Variants in TIGAR observed in about 807,000 individuals in gnomAD.
TIGAR encodes the protein TP53 induced glycolysis regulatory phosphatase, also known as fructose-2,6-bisphosphatase TIGAR.
A neutral mutation model predicts 17.9 loss-of-function variants in TIGAR; 7 were observed. The observed-to-expected ratio is 0.39, with a 90% CI of 0.22 to 0.73. The LOEUF is 0.73. Ranked by LOEUF, TIGAR falls within the 30% of genes least tolerant of loss-of-function variation. The probability of loss-of-function intolerance (pLI) is 0.42; values close to 1 mark genes in which losing one functional copy is unlikely to be tolerated. For synonymous variants in TIGAR, 94 were observed against 108.6 expected, an observed-to-expected ratio of 0.87 and a Z score of 0.84; for missense variants, 258 against 327.4, an observed-to-expected ratio of 0.79 and a Z score of 1.64.
rs1864893618 is a variant in TIGAR at position 4,355,768 on chromosome 12, G to T, written c.*3077G>T. Among the ~76,000 whole-genome samples the T allele has an allele frequency of 6.6e-6, 1 of 152,202 alleles. No individual in the cohort carries two copies. Among genetic ancestry groups the T allele is most frequent in the East Asian group, 1.9e-4 (1 of 5,202 alleles). On this transcript the variant is annotated 3_prime_UTR_variant, in exon 6 of 6. Coordinates refer to ENST00000179259, the MANE Select transcript of TIGAR (RefSeq NM_020375.3). ...GTGGTCAGTGCTGTTGAGCAAAATA[G>T]GTCAGAGTAAGGGGGATGGAGACTG...
intron 3 of TIGAR, among the ~76,000 whole-genome samples, chr12:4,339,030 C>T (rs1350655422): frequency 7.3e-6 from 1 of 136,170 alleles, no homozygotes; most frequent in Admixed American, 7.4e-5. Flanking sequence ...AAGAGTAAAC[C>T]AAATCCAAAA....
chr12:4,341,914 A>G (rs1473989901), intron 3 of TIGAR, among the ~76,000 whole-genome samples: 2 of 152,236 alleles, frequency 1.3e-5, no homozygotes, highest in African/African-American at 2.4e-5. Context: ...GAGAGAAGAA[A>G]GCTTCAGATG....
chr12:4,335,337 AT>A (rs767180815), intron 2 of TIGAR, among the ~76,000 whole-genome samples: 1,445 of 144,084 alleles, frequency 0.01, 15 homozygotes, highest in African/African-American at 0.03. Context: ...ATGCCCGGCC[AT>A]TTTTTTTTTT....
Position 4,357,085 on chromosome 12 carries a change from A to G in TIGAR, c.*4394A>G, listed in dbSNP as rs987244753. Among the ~76,000 whole-genome samples the G allele has an allele frequency of 8.5e-5, 13 of 152,236 alleles. No homozygotes were observed. The highest frequency in any genetic ancestry group is 3.1e-4 in the African/African-American group (13 of 41,454). ...GCAAGGACATGCTCATATTAGGGGA[A>G]GCACATAAAGTAAGATATCCCTGAG... On this transcript the variant is annotated 3_prime_UTR_variant, in exon 6 of 6. Coordinates refer to ENST00000179259, the MANE Select transcript of TIGAR (RefSeq NM_020375.3).
At position 4,352,750 on chromosome 12, in the gene TIGAR, T is replaced by G. The variant is rs1864851366; in HGVS notation, c.*59T>G. 1.3e-6 allele frequency: 2 copies of G among 1,495,714 alleles called. No homozygotes were observed. The highest frequency in any genetic ancestry group is 2.8e-5 in the African/African-American group (2 of 71,660). 92.7% of individuals were successfully genotyped at this position (1,495,714 alleles called of 1,614,324 possible). On this transcript the variant is annotated 3_prime_UTR_variant, in exon 6 of 6. Coordinates refer to ENST00000179259, the MANE Select transcript of TIGAR (RefSeq NM_020375.3). ...GCCTCTGAAGGGAGTGCCATTGGCT[T>G]TATTTACTTCTCTCCTCTGCTAGTT...
intron 3 of TIGAR, among the ~76,000 whole-genome samples, chr12:4,343,992 TAAAG>T (rs1461337138): frequency 1.3e-5 from 2 of 150,492 alleles, no homozygotes; most frequent in Non-Finnish European, 3.0e-5. Context: ...GCAAGACCAA[TAAAG>T]AAAAGAGAGA....
intron 3 of TIGAR, among the ~76,000 whole-genome samples, chr12:4,345,713 A>T (rs372395115): frequency 1.3e-5 from 2 of 152,172 alleles, no homozygotes; most frequent in Non-Finnish European, 2.9e-5. Flanking sequence ...GGACTTCATG[A>T]CTAAAACACC....
chr12:4,356,825 C>T lies in TIGAR; in HGVS notation c.*4134C>T, dbSNP rs566216301. Reference sequence around the variant, plus strand: ...ATGGGCAGAAGTTTCCAGTTCCAGGCTTCACCCCAGGCTCGCAGCTTCAAG... The same window carrying T: ...ATGGGCAGAAGTTTCCAGTTCCAGGTTTCACCCCAGGCTCGCAGCTTCAAG... On this transcript the variant is annotated 3_prime_UTR_variant, in exon 6 of 6. Transcript: ENST00000179259. Among the ~76,000 whole-genome samples the T allele has an allele frequency of 7.6e-4, 116 of 152,304 alleles. No homozygotes were observed. Among genetic ancestry groups the T allele is most frequent in the African/African-American group, 2.6e-3 (107 of 41,564 alleles).
chr12:4,335,734 G>A (rs1357748648), intron 2 of TIGAR: 1 of 152,244 alleles, frequency 6.6e-6, no homozygotes, highest in Non-Finnish European at 1.5e-5. Context: ...ATCGTTAGGA[G>A]TTCTCATTCT....
intron 2 of TIGAR, among the ~76,000 whole-genome samples, chr12:4,335,329 G>A (rs1449536417): frequency 2.0e-5 from 3 of 151,762 alleles, no homozygotes; most frequent in Non-Finnish European, 4.4e-5. Context: ...GAGCCACCAT[G>A]CCCGGCCATT....
At chr12:4,339,912 A>T (rs1365249640) in intron 3 of TIGAR, among the ~76,000 whole-genome samples, 3 of 152,340 alleles carry the variant, frequency 2.0e-5, no homozygotes, top group African/African-American at 7.2e-5. Flanking sequence ...AGTACAGTAA[A>T]AGCCTCAACA....
chr12:4,324,668 C>T (rs1223556132), intron 1 of TIGAR: 4 of 1,163,522 alleles, frequency 3.4e-6, no homozygotes, highest in African/African-American at 1.5e-5. Context: ...CGCCGCAGGC[C>T]CGGGTTCACT....
rs1591668269 is a variant in TIGAR at position 4,357,020 on chromosome 12, C to T, written c.*4329C>T. Among the ~76,000 whole-genome samples the T allele has an allele frequency of 6.6e-6, 1 of 152,258 alleles. No individual in the cohort carries two copies. The highest frequency in any genetic ancestry group is 1.9e-4 in the East Asian group (1 of 5,190). On this transcript the variant is annotated 3_prime_UTR_variant, in exon 6 of 6. Transcript: ENST00000179259. ...TTAACTAAAAACCTGTTTTAGTTAG[C>T]ATCTTTATTCTAATTTCTTTAAATG...
At position 4,355,280 on chromosome 12, in the gene TIGAR, G is replaced by GT. The variant is rs2120702142; in HGVS notation, c.*2590dup. Among the ~76,000 whole-genome samples, 1 of 152,002 alleles carries GT rather than the reference G, an allele frequency of 6.6e-6. No homozygotes were observed. The highest frequency in any genetic ancestry group is 2.4e-5 in the African/African-American group (1 of 41,478). On this transcript the variant is annotated 3_prime_UTR_variant, in exon 6 of 6. Coordinates refer to ENST00000179259, the MANE Select transcript of TIGAR (RefSeq NM_020375.3). The stretch of plus-strand genomic sequence containing the variant: ...TTGAAACAGTTATCCCAACACCATT[G>GT]TAAAGGCTGTTCTTTCCCAATTGGT...
intron 1 of TIGAR, chr12:4,324,563 T>A (rs758839943): frequency 3.5e-5 from 57 of 1,606,248 alleles, no homozygotes; most frequent in Middle Eastern, 1.8e-4. Flanking sequence ...AGGATGATCA[T>A]GTCCCGCAGG....
chr12:4,330,101 G>A (rs1864588306), intron 1 of TIGAR, among the ~76,000 whole-genome samples: 2 of 152,110 alleles, frequency 1.3e-5, no homozygotes, highest in Non-Finnish European at 2.9e-5. Context: ...TTGTAAACAA[G>A]CGGCAAGATT....
At chr12:4,348,160 TAAATA>T (rs1209152708) in intron 3 of TIGAR, among the ~76,000 whole-genome samples, 1 of 151,458 alleles carries the variant, frequency 6.6e-6, no homozygotes, top group African/African-American at 2.4e-5. Flanking sequence ...CTTTAAAAAA[TAAATA>T]AAATAGGAGA....
intron 1 of TIGAR, among the ~76,000 whole-genome samples, chr12:4,322,339 CTG>C (rs376428522): frequency 2.8e-4 from 42 of 152,328 alleles, no homozygotes; most frequent in African/African-American, 9.4e-4. Context: ...CGGTTGGAGT[CTG>C]TTCTCCAGCT....
chr12:4,337,212 G>GC, intron 3 of TIGAR, 52 bp downstream of exon 3: 3 of 1,433,074 alleles, frequency 2.1e-6, no homozygotes, highest in Non-Finnish European at 2.9e-6. Context: ...CTATGCCCAG[G>GC]CTGGAGTGCA....
Sources: gnomAD v4.1 joint callset for allele counts (sites outside exome capture counted in the v4.1 genomes callset) on GRCh38, gnomAD v4.1.1 for gene constraint, MANE v1.5 for transcripts, NCBI Gene and HGNC (gene_info 2026-07-23, HGNC 2026-07-21) for gene names.